The following MIR2052HG variants were observed in gnomAD, a reference collection of about 807,000 sequenced individuals.
MIR2052HG encodes the protein MIR2052 host gene.
chr8:74,686,542 T>C (rs914066105), intron 2 of MIR2052HG, among the ~76,000 whole-genome samples: 11 of 152,160 alleles, frequency 7.2e-5, no homozygotes, highest in African/African-American at 2.2e-4. Flanking sequence ...AAACCAGCAA[T>C]TGCAGCCTGT....
exon 5 of MIR2052HG, chr8:74,752,468 AAC>A (rs754252955): frequency 4.5e-6 from 2 of 446,920 alleles, no homozygotes; most frequent in African/African-American, 4.3e-5. Context: ...CCACCAGATC[AAC>A]ACATTCTCCA....
At chr8:74,623,926 T>A (rs1425774) in intron 2 of MIR2052HG, among the ~76,000 whole-genome samples, 20,341 of 152,132 alleles carry the variant, frequency 0.13, 1,744 homozygotes, top group Middle Eastern at 0.27. Context: ...CTAAAATTTT[T>A]AATCATGAAA....
At chr8:74,609,676 A>G (rs930243385) in intron 1 of MIR2052HG, 1 of 150,808 alleles carries the variant, frequency 6.6e-6, no homozygotes, top group African/African-American at 2.4e-5. Context: ...CCAGATTATT[A>G]GACTAAAAAA....
chr8:74,658,616 C>A (rs911895557), intron 2 of MIR2052HG, among the ~76,000 whole-genome samples: 1 of 152,158 alleles, frequency 6.6e-6, no homozygotes, highest in African/African-American at 2.4e-5. Flanking sequence ...GAACTCCTGA[C>A]CTCAAGTGAT....
chr8:74,736,510 A>G (rs139243851), intron 4 of MIR2052HG, among the ~76,000 whole-genome samples: 167 of 152,266 alleles, frequency 1.1e-3, no homozygotes, highest in Non-Finnish European at 2.1e-3. Context: ...GATCTATTAC[A>G]TGGGGAAACT....
intron 2 of MIR2052HG, among the ~76,000 whole-genome samples, chr8:74,699,339 C>A (rs898659972): frequency 5.3e-5 from 8 of 151,258 alleles, no homozygotes; most frequent in Non-Finnish European, 1.2e-4. Flanking sequence ...TTTGCAACTG[C>A]AAAAACATGG....
At chr8:74,705,740 C>T (rs1809403761) in intron 4 of MIR2052HG, 1 of 170,098 alleles carries the variant, frequency 5.9e-6, no homozygotes, top group South Asian at 2.0e-4. Flanking sequence ...TACCAGCTAT[C>T]AAAACAAGTT....
rs1022748203 is a variant in MIR2052HG, at chr8:74,735,427, A to G, written n.372-17014A>G. On this transcript the variant is annotated intron_variant and non_coding_transcript_variant, in intron 4 of 6. Transcript: ENST00000523442. ...ATACAGTCCTCATATCTCATTTCCAAATGAGGAGACAGCAGTGCAGTGAGT... is the reference window on the plus strand; with the variant it reads ...ATACAGTCCTCATATCTCATTTCCAGATGAGGAGACAGCAGTGCAGTGAGT... 4.6e-5 allele frequency among the ~76,000 whole-genome samples: 7 copies of G among 152,248 alleles called. No homozygotes were observed. The South Asian group carries it at 6.2e-4, about 14-fold the overall frequency.
intron 2 of MIR2052HG, among the ~76,000 whole-genome samples, chr8:74,622,767 G>A (rs1418659633): frequency 6.6e-6 from 1 of 151,760 alleles, no homozygotes; most frequent in Non-Finnish European, 1.5e-5. Flanking sequence ...GGGAAAAAAC[G>A]AGGCACACTG....
intron 4 of MIR2052HG, among the ~76,000 whole-genome samples, chr8:74,711,096 A>G (rs184722519): frequency 3.4e-4 from 52 of 152,248 alleles, no homozygotes; most frequent in African/African-American, 1.2e-3. Flanking sequence ...TTTGTGAACT[A>G]TGCATTGTTC....
chr8:74,650,328 T>G (rs1232476775), intron 2 of MIR2052HG, among the ~76,000 whole-genome samples: 1 of 152,162 alleles, frequency 6.6e-6, no homozygotes, highest in Non-Finnish European at 1.5e-5. Flanking sequence ...TAACGTAAGG[T>G]TTTTTGAGGT....
At chr8:74,618,446 T>C (rs77755546) in intron 2 of MIR2052HG, among the ~76,000 whole-genome samples, 12,111 of 152,178 alleles carry the variant, frequency 0.08, 793 homozygotes, top group African/African-American at 0.18. Context: ...ATTAAATGTA[T>C]AAATAATGAT....
chr8:74,600,347 G>A (rs1251811460), intron 1 of MIR2052HG, among the ~76,000 whole-genome samples: 1 of 151,244 alleles, frequency 6.6e-6, no homozygotes, highest in African/African-American at 2.4e-5. Context: ...CACTTTGAGA[G>A]GCCGAGGTGG....
chr8:74,756,918 A>G (rs534786871), intron 5 of MIR2052HG: 2 of 152,370 alleles, frequency 1.3e-5, no homozygotes, highest in South Asian at 2.1e-4. Flanking sequence ...AGCAGTACTC[A>G]TTGGTCCTGG....
intron 2 of MIR2052HG, among the ~76,000 whole-genome samples, chr8:74,663,080 AT>A (rs1808884096): frequency 6.6e-6 from 1 of 152,148 alleles, no homozygotes. Flanking sequence ...AAGATAATCT[AT>A]GTTTGTTGAC....
intron 2 of MIR2052HG, among the ~76,000 whole-genome samples, chr8:74,650,128 G>A (rs1808736602): frequency 6.6e-6 from 1 of 152,020 alleles, no homozygotes; most frequent in African/African-American, 2.4e-5. Flanking sequence ...AATAATATAA[G>A]CATACAGTCT....
At chr8:74,692,409 T>C (rs1419207647) in intron 2 of MIR2052HG, among the ~76,000 whole-genome samples, 1 of 152,160 alleles carries the variant, frequency 6.6e-6, no homozygotes, top group Non-Finnish European at 1.5e-5. Flanking sequence ...ATAATAAGCT[T>C]CTAAAACTGG....
chr8:74,656,599 G>T (rs1475565903), intron 2 of MIR2052HG, among the ~76,000 whole-genome samples: 1 of 152,162 alleles, frequency 6.6e-6, no homozygotes, highest in East Asian at 1.9e-4. Flanking sequence ...GGAACTGTAA[G>T]TCCAATTAAA....
chr8:74,746,567 A>T (rs912134506), intron 4 of MIR2052HG, among the ~76,000 whole-genome samples: 4 of 147,538 alleles, frequency 2.7e-5, no homozygotes, highest in Non-Finnish European at 6.0e-5. Flanking sequence ...GAGGAGAAGA[A>T]GTGTGTGTGT....
Sources: gnomAD v4.1 joint callset for allele counts (sites outside exome capture counted in the v4.1 genomes callset) on GRCh38, gnomAD v4.1.1 for gene constraint, MANE v1.5 for transcripts, NCBI Gene and HGNC (gene_info 2026-07-23, HGNC 2026-07-21) for gene names.